SNAP91: variants seen among roughly 807,000 people sequenced by gnomAD.
The protein encoded by SNAP91 is clathrin coat assembly protein AP180.
In SNAP91, 27 loss-of-function variants were observed where a neutral mutation model predicts 100.3. That is an observed-to-expected ratio of 0.27 (90% CI 0.20 to 0.37). The LOEUF (loss-of-function observed/expected upper bound fraction) is 0.37. Ranked by LOEUF, SNAP91 falls within the 10% of genes least tolerant of loss-of-function variation. The probability of loss-of-function intolerance (pLI) is 1.00; values close to 1 mark genes in which losing one functional copy is unlikely to be tolerated. For synonymous variants in SNAP91, 404 were observed against 398.6 expected, an observed-to-expected ratio of 1.01 and a Z score of -0.16; for missense variants, 986 against 1,123.7, an observed-to-expected ratio of 0.88 and a Z score of 1.75.
chr6:83,599,066 C>A (rs1053231619), intron 16 of SNAP91, among the ~76,000 whole-genome samples: 4 of 152,126 alleles, frequency 2.6e-5, no homozygotes, highest in African/African-American at 9.7e-5. Flanking sequence ...TTGCATGATT[C>A]TCTGCAGTAC....
chr6:83,601,410 G>A lies in SNAP91; in HGVS notation c.1185C>T (p.Pro395=), dbSNP rs1213021183. ...EDSLAALSSV[P]SEAQISDPFA... ...ATGGATCTGAAATCTGTGCTTCAGAGGGAACAGAGGAAAGTGCAGCCAAAG... is the reference window on the plus strand; with the variant it reads ...ATGGATCTGAAATCTGTGCTTCAGAAGGAACAGAGGAAAGTGCAGCCAAAG... Residue 395 remains proline (P), a synonymous_variant, in exon 16 of 30, where the codon CCC becomes CCT. Transcript: ENST00000369694. The A allele has an allele frequency of 3.1e-6, 5 of 1,613,440 alleles. No homozygotes were observed. The highest frequency in any genetic ancestry group is 2.7e-5 in the African/African-American group (2 of 74,888).
intron 7 of SNAP91, among the ~76,000 whole-genome samples, chr6:83,641,552 T>G (rs575787383): frequency 6.6e-6 from 1 of 152,292 alleles, no homozygotes; most frequent in South Asian, 2.1e-4. Flanking sequence ...ATCTCAAAAT[T>G]TATGACTGCA....
At position 83,707,536 on chromosome 6, in the gene SNAP91, C is replaced by CGTGTGTGTGT. The variant is rs70987765; in HGVS notation, c.130+252_130+261dup. Reference sequence around the variant, plus strand: ...TCTTGTGTGTGTGTATATACATATGCGTGTGTGTGTGTGTGTGTGTGTGTA... The same window carrying CGTGTGTGTGT: ...TCTTGTGTGTGTGTATATACATATGCGTGTGTGTGTGTGTGTGTGTGTGTGTGTGTGTGTA... On this transcript the variant is annotated intron_variant, in intron 2 of 29. Coordinates refer to ENST00000369694, the MANE Select transcript of SNAP91 (RefSeq NM_001242792.2). 1.6e-3 allele frequency among the ~76,000 whole-genome samples: 242 copies of CGTGTGTGTGT among 149,066 alleles called. 1 individual carries two copies. Among genetic ancestry groups the CGTGTGTGTGT allele is most frequent in the Middle Eastern group, 6.8e-3 (2 of 292 alleles).
chr6:83,560,917 G>C lies in SNAP91; in HGVS notation c.2473C>G (p.Pro825Ala). 1 of 1,613,002 alleles carries C rather than the reference G, an allele frequency of 6.2e-7. No homozygotes were observed. The highest frequency in any genetic ancestry group is 8.5e-7 in the Non-Finnish European group (1 of 1,179,568). Residue 825 changes from proline (P) to alanine (A), a missense_variant, in exon 27 of 30, where the codon CCT becomes GCT. Coordinates refer to ENST00000369694, the MANE Select transcript of SNAP91 (RefSeq NM_001242792.2). ...QGAVPPTSSV[P>A]PVAGAPSVGQ... ...ACCGATGGGGCCCCGGCAACAGGAG[G>C]AACTGAACTGGTTGGAGGTACAGCT...
At chr6:83,597,816 T>C (rs1184864130) in intron 16 of SNAP91, among the ~76,000 whole-genome samples, 1 of 152,262 alleles carries the variant, frequency 6.6e-6, no homozygotes, top group Non-Finnish European at 1.5e-5. Flanking sequence ...TTCTGGTTCC[T>C]CTTTGTCTCC....
intron 8 of SNAP91, among the ~76,000 whole-genome samples, chr6:83,633,414 G>A (rs926377138): frequency 6.6e-6 from 1 of 152,148 alleles, no homozygotes; most frequent in African/African-American, 2.4e-5. Context: ...GGGAGGAAGA[G>A]GTGGGAGGCA....
At chr6:83,706,962 C>G (rs2099390095) in intron 2 of SNAP91, among the ~76,000 whole-genome samples, 1 of 152,190 alleles carries the variant, frequency 6.6e-6, no homozygotes, top group Non-Finnish European at 1.5e-5. Flanking sequence ...AAAAGATTTA[C>G]TGTTAATTAA....
At chr6:83,707,767 G>C (rs2099400360) in intron 2 of SNAP91, 31 bp downstream of exon 2, 1 of 1,610,452 alleles carries the variant, frequency 6.2e-7, no homozygotes, top group South Asian at 1.1e-5. Flanking sequence ...TCTGCCGTGC[G>C]CATGTCCCTC....
chr6:83,560,339 T>C (rs1405456629), intron 27 of SNAP91, 131 bp from the exon 28 acceptor site: 1 of 668,028 alleles, frequency 1.5e-6, no homozygotes, highest in Non-Finnish European at 2.6e-6. Flanking sequence ...GCATAATTTG[T>C]AATTTTAATT....
chr6:83,592,517 G>A lies in SNAP91; in HGVS notation c.1868C>T (p.Ser623Phe). 2 of 1,609,758 alleles carry A rather than the reference G, an allele frequency of 1.2e-6. No homozygotes were observed. The highest frequency in any genetic ancestry group is 1.7e-6 in the Non-Finnish European group (2 of 1,178,056). The change falls in exon 21 of 30, where the codon TCT becomes TTT. Residue 623 changes from serine (S) to phenylalanine (F), a missense_variant. Ser to Phe is a radical substitution (Grantham distance 155, BLOSUM62 -2). This residue lies in a region of SNAP91 where 575 missense variants were observed against 579.9 expected (regional missense o/e 0.99). Transcript: ENST00000369694. ...LLSVDAFAAP[S>F]PATTASPAKV... Reference sequence around the variant, plus strand: ...TGCTGGCGAGGCAGTGGTTGCAGGAGATGGTGCTGCAAATGCATCCACTGC... The same window carrying A: ...TGCTGGCGAGGCAGTGGTTGCAGGAAATGGTGCTGCAAATGCATCCACTGC...
intron 2 of SNAP91, among the ~76,000 whole-genome samples, chr6:83,684,080 T>A (rs2128934615): frequency 6.6e-6 from 1 of 152,322 alleles, no homozygotes; most frequent in South Asian, 2.1e-4. Flanking sequence ...TAGTTCTAAA[T>A]ACAAATGCGA....
intron 2 of SNAP91, 63 bp from the exon 3 acceptor site, chr6:83,665,644 C>T: frequency 6.7e-7 from 1 of 1,491,368 alleles, no homozygotes; most frequent in Non-Finnish European, 9.2e-7. Flanking sequence ...TCATTTCAAA[C>T]TTGGAACATA....
intron 16 of SNAP91, among the ~76,000 whole-genome samples, chr6:83,599,415 A>G (rs2094903901): frequency 6.6e-6 from 1 of 152,306 alleles, no homozygotes; most frequent in East Asian, 1.9e-4. Context: ...TTCTGTTAAC[A>G]CAAGCCTATG....
chr6:83,588,289 A>C (rs929277853), intron 22 of SNAP91, among the ~76,000 whole-genome samples: 1 of 152,238 alleles, frequency 6.6e-6, no homozygotes. Context: ...ATTTAAATAG[A>C]AAAGAGAGAA....
chr6:83,595,809 G>A (rs899720904), intron 16 of SNAP91, among the ~76,000 whole-genome samples: 1 of 152,184 alleles, frequency 6.6e-6, no homozygotes, highest in Non-Finnish European at 1.5e-5. Context: ...ACATGCTACT[G>A]TCAAGATACT....
In SNAP91 at chr6:83,582,204, T is replaced by A. The variant is rs545632479; in HGVS notation, c.2149+18A>T. Reference sequence around the variant, plus strand: ...TACCAGGACACATGAAAAGAATGTTTGAAAGTCACTGCCTCACCTGATGGA... The same window carrying A: ...TACCAGGACACATGAAAAGAATGTTAGAAAGTCACTGCCTCACCTGATGGA... On this transcript the variant is annotated intron_variant, in intron 23 of 29. Transcript: ENST00000369694. 6.2e-6 allele frequency: 10 copies of A among 1,612,272 alleles called. No homozygotes were observed. The highest frequency in any genetic ancestry group is 5.9e-6 in the Non-Finnish European group (7 of 1,179,002).
At chr6:83,564,404 C>T (rs1793623382) in intron 26 of SNAP91, among the ~76,000 whole-genome samples, 1 of 150,838 alleles carries the variant, frequency 6.6e-6, no homozygotes. Context: ...GTGGCATGAT[C>T]ATGGCTCACT....
At chr6:83,567,180 C>T (rs1034278359) in intron 26 of SNAP91, among the ~76,000 whole-genome samples, 6 of 152,120 alleles carry the variant, frequency 3.9e-5, no homozygotes, top group Non-Finnish European at 8.8e-5. Context: ...TCAAGTGATC[C>T]CCCCGCCTCA....
At chr6:83,581,386 A>G (rs532001787) in intron 23 of SNAP91, among the ~76,000 whole-genome samples, 5 of 152,304 alleles carry the variant, frequency 3.3e-5, no homozygotes, top group African/African-American at 1.2e-4. Context: ...TGCATCATTG[A>G]TGGCTCCTGA....
Sources: allele counts gnomAD v4.1 joint callset (sites outside exome capture counted in the v4.1 genomes callset), GRCh38; gene constraint gnomAD v4.1.1; regional missense constraint gnomAD v4.1.1; transcripts MANE v1.5; gene names NCBI Gene and HGNC (gene_info 2026-07-23, HGNC 2026-07-21).